The following SLC25A46 variants were observed in gnomAD, a reference collection of about 807,000 sequenced individuals.
The protein encoded by SLC25A46 is mitochondrial outer membrane protein SLC25A46.
A neutral mutation model predicts 44.6 loss-of-function variants in SLC25A46; 39 were observed. That is an observed-to-expected ratio of 0.87 (90% CI 0.68 to 1.14). SLC25A46 has a LOEUF of 1.14. SLC25A46 is among the 50% of genes most tolerant of loss of function. The pLI is 0.00. For missense variants in SLC25A46, 547 were observed against 522.7 expected (o/e 1.05, Z -0.45); for synonymous variants, 202 against 185.8 (o/e 1.09, Z -0.71).
intron 5 of SLC25A46, 102 bp from the exon 6 acceptor site, chr5:110,755,363 G>T (rs369163942): frequency 4.4e-5 from 31 of 697,878 alleles, no homozygotes; most frequent in African/African-American, 2.2e-4. Context: ...CCTACAGATT[G>T]AAAAAAATTA....
intron 1 of SLC25A46, among the ~76,000 whole-genome samples, chr5:110,740,223 ATTCTT>A (rs1799619245): frequency 1.3e-5 from 2 of 152,298 alleles, no homozygotes; most frequent in African/African-American, 4.8e-5. Context: ...ACCTCTTTCT[ATTCTT>A]CTGGAATTGT....
chr5:110,744,547 C>T (rs1043893396), intron 3 of SLC25A46, among the ~76,000 whole-genome samples: 1 of 152,114 alleles, frequency 6.6e-6, no homozygotes, highest in East Asian at 1.9e-4. Flanking sequence ...ATCAAAAAAT[C>T]ATCTTCATTA....
At position 110,761,289 on chromosome 5, in the gene SLC25A46, G is replaced by C; in HGVS notation, c.764G>C (p.Ser255Thr). ...GTGATAGGCATGGGAGTGCCTCATA[G>C]CAAACGACTTCTTCCGCTTCTTTCC... ...GRVIGMGVPH[S>T]KRLLPLLSLI... The change falls in exon 8 of 8, where the codon AGC becomes ACC. Residue 255 changes from serine to threonine, a missense_variant. By Grantham distance (58) the Ser-to-Thr change is moderately conservative. Coordinates refer to ENST00000355943, the MANE Select transcript of SLC25A46 (RefSeq NM_138773.4). This position sits in a 1 kb window ranked among gnomAD's most constrained non-coding sequence, Gnocchi z 5.3. 1 of 1,613,704 alleles carries C rather than the reference G, an allele frequency of 6.2e-7. No homozygotes were observed. The highest frequency in any genetic ancestry group is 8.5e-7 in the Non-Finnish European group (1 of 1,179,770).
In SLC25A46 at chr5:110,739,357, C is replaced by T. The variant is rs772367949; in HGVS notation, c.238C>T (p.Pro80Ser). The stretch of plus-strand genomic sequence containing the variant: ...CCCGTACGAAGGCCCCACGGAGGAA[C>T]CCTTTTCCAGTGGCGGCGGCGGCAG... ...STPYEGPTEE[P>S]FSSGGGGSVQ... The change falls in exon 1 of 8, where the codon CCC becomes TCC. Residue 80 changes from proline (P) to serine (S), a missense_variant. Physicochemically the swap from Pro to Ser is moderately conservative, Grantham distance 74. Coordinates refer to ENST00000355943, the MANE Select transcript of SLC25A46 (RefSeq NM_138773.4). The T allele has an allele frequency of 2.6e-6, 4 of 1,561,428 alleles. No individual in the cohort carries two copies. Among genetic ancestry groups the T allele is most frequent in the Admixed American group, 1.9e-5 (1 of 52,688 alleles).
chr5:110,739,427 G>GGGGTTACT, intron 1 of SLC25A46, 25 bp downstream of exon 1: 1 of 1,514,388 alleles, frequency 6.6e-7, no homozygotes, highest in Non-Finnish European at 8.8e-7. Context: ...GACCGACACA[G>GGGGTTACT]GGATGAGGGG....
chr5:110,760,595 A>G (rs930818213), intron 7 of SLC25A46, among the ~76,000 whole-genome samples: 6 of 152,116 alleles, frequency 3.9e-5, no homozygotes, highest in Non-Finnish European at 8.8e-5. Context: ...TTTTCTATCT[A>G]TCTATACCTC....
chr5:110,753,076 A>C (rs1291657074), intron 5 of SLC25A46, among the ~76,000 whole-genome samples: 1 of 152,160 alleles, frequency 6.6e-6, no homozygotes, highest in African/African-American at 2.4e-5. Flanking sequence ...GGCTGCTGAA[A>C]TGTCAAATAA....
intron 1 of SLC25A46, chr5:110,741,832 A>G (rs1799697997): frequency 4.9e-6 from 2 of 408,448 alleles, no homozygotes; most frequent in Admixed American, 8.6e-5. Context: ...TGTGCTTTAA[A>G]CACTCTACAC....
intron 3 of SLC25A46, among the ~76,000 whole-genome samples, chr5:110,744,763 C>T (rs1035059297): frequency 1.3e-5 from 2 of 151,988 alleles, no homozygotes; most frequent in South Asian, 2.1e-4. Context: ...AGGTATAGTC[C>T]GTCAATGAGT....
chr5:110,759,539 T>C (rs113754232), intron 7 of SLC25A46, among the ~76,000 whole-genome samples: 4,440 of 152,216 alleles, frequency 0.029, 222 homozygotes, highest in African/African-American at 0.1. Flanking sequence ...GACTGTGTCA[T>C]GTGTGTTGTA....
chr5:110,741,955 A>T, intron 1 of SLC25A46, 92 bp from the exon 2 acceptor site: 5 of 877,214 alleles, frequency 5.7e-6, no homozygotes, highest in East Asian at 2.8e-5. Flanking sequence ...AATAAAATAA[A>T]TTTTTTAAAA....
upstream of SLC25A46, chr5:110,738,175 T>C: frequency 2.7e-5 from 34 of 1,264,484 alleles, no homozygotes; most frequent in Non-Finnish European, 3.5e-5. Context: ...GAACATAGGA[T>C]GAAACCATGG....
At chr5:110,751,435 G>A (rs1451611583) in intron 5 of SLC25A46, among the ~76,000 whole-genome samples, 1 of 152,172 alleles carries the variant, frequency 6.6e-6, no homozygotes. Flanking sequence ...TGCTGTTGCA[G>A]TGGGGAGCCT....
chr5:110,751,278 A>G (rs1799964038), intron 5 of SLC25A46, among the ~76,000 whole-genome samples: 1 of 152,236 alleles, frequency 6.6e-6, no homozygotes, highest in African/African-American at 2.4e-5. Flanking sequence ...CCATTAATGA[A>G]TAATTGCAAA....
intron 6 of SLC25A46, among the ~76,000 whole-genome samples, chr5:110,756,378 C>G (rs1412839234): frequency 6.6e-6 from 1 of 151,878 alleles, no homozygotes; most frequent in African/African-American, 2.4e-5. Flanking sequence ...AAAAGGCAAA[C>G]TATGGAATGG....
At position 110,761,159 on chromosome 5, in the gene SLC25A46, A is replaced by G; in HGVS notation, c.679-45A>G. On this transcript the variant is annotated intron_variant, in intron 7 of 7. Transcript: ENST00000355943. The surrounding 1 kb of genome is among the most constrained non-coding windows in gnomAD (Gnocchi z 5.3). ...AAAAGAGTCCTTTTTCTGTGGCAAAATAAGCAAATGTTAAGTTTTACTTAT... is the reference window on the plus strand; with the variant it reads ...AAAAGAGTCCTTTTTCTGTGGCAAAGTAAGCAAATGTTAAGTTTTACTTAT... 1 of 1,472,122 alleles carries G rather than the reference A, an allele frequency of 6.8e-7. No individual in the cohort carries two copies. Among genetic ancestry groups the G allele is most frequent in the South Asian group, 1.3e-5 (1 of 76,252 alleles). The allele number at this position is 1,472,122 out of a possible 1,614,324, so 91.2% of individuals were successfully genotyped here.
chr5:110,746,288 A>G lies in SLC25A46; in HGVS notation c.404A>G (p.His135Arg). ...RQCQVNYHAQ[H>R]YHLTPFTVIN... ...TTACAGGTTAATTACCATGCTCAGC[A>G]TTACCATCTCACTCCATTTACAGTC... Residue 135 changes from histidine (H) to arginine (R), a missense_variant, in exon 4 of 8, where the codon CAT (histidine) becomes CGT (arginine). By Grantham distance (29) the His-to-Arg change is conservative (BLOSUM62 0). Transcript: ENST00000355943. 1 of 1,588,814 alleles carries G rather than the reference A, an allele frequency of 6.3e-7. No individual in the cohort carries two copies. Among genetic ancestry groups the G allele is most frequent in the Non-Finnish European group, 8.5e-7 (1 of 1,171,404 alleles).
At position 110,761,102 on chromosome 5, in the gene SLC25A46, C is replaced by T. The variant is rs1800236838; in HGVS notation, c.679-102C>T. ...TGCAAATCATGGATGTTTCCCTCTT[C>T]AGTCACTATGTTAGGATTTAAAAGG... On this transcript the variant is annotated intron_variant, in intron 7 of 7. Transcript: ENST00000355943. This position sits in a 1 kb window ranked among gnomAD's most constrained non-coding sequence, Gnocchi z 5.3. 5 of 838,252 alleles carry T rather than the reference C, an allele frequency of 6.0e-6. No homozygotes were observed. The highest frequency in any genetic ancestry group is 9.4e-6 in the Non-Finnish European group (5 of 531,466). The allele number at this position is 838,252 out of a possible 1,614,324, so 51.9% of individuals were successfully genotyped here. A position where few individuals can be genotyped will look rare whatever the true frequency, so the allele number is the denominator to read the frequency against.
At chr5:110,740,992 G>A (rs995915662) in intron 1 of SLC25A46, among the ~76,000 whole-genome samples, 3 of 152,138 alleles carry the variant, frequency 2.0e-5, no homozygotes, top group African/African-American at 4.8e-5. Context: ...TAAAAGTACC[G>A]TAGGTGGGTA....
Sources: gnomAD v4.1 joint callset for allele counts (sites outside exome capture counted in the v4.1 genomes callset) on GRCh38, gnomAD v4.1.1 for gene constraint, Gnocchi (gnomAD v3.1) non-coding constraint, MANE v1.5 for transcripts, NCBI Gene and HGNC (gene_info 2026-07-23, HGNC 2026-07-21) for gene names.